TMEM116: variants seen among roughly 807,000 people sequenced by gnomAD.
TMEM116 encodes transmembrane protein 116.
A neutral mutation model predicts 44.3 loss-of-function variants in TMEM116; 38 were observed. The ratio of observed to expected loss-of-function variants is 0.86; its 90% CI spans 0.66 to 1.12. The LOEUF (loss-of-function observed/expected upper bound fraction) is 1.12. Ranked by LOEUF, TMEM116 falls within the 50% of genes most tolerant of loss-of-function variation. The pLI is 0.00. For synonymous variants in TMEM116, 132 were observed against 144.8 expected, an observed-to-expected ratio of 0.91 and a Z score of 0.64; for missense variants, 354 against 401.7, an observed-to-expected ratio of 0.88 and a Z score of 1.01.
chr12:111,962,264 C>G (rs187453803), intron 4 of TMEM116, among the ~76,000 whole-genome samples: 150 of 152,126 alleles, frequency 9.9e-4, no homozygotes, highest in African/African-American at 3.4e-3. Context: ...AGATTCAATG[C>G]TATCCCCATC....
intron 4 of TMEM116, among the ~76,000 whole-genome samples, chr12:111,991,171 A>G (rs1372327591): frequency 7.2e-6 from 1 of 138,894 alleles, no homozygotes; most frequent in Non-Finnish European, 1.5e-5. Context: ...GTGAGCCAAG[A>G]TCGCGCCACT....
In TMEM116 at chr12:111,951,823, A is replaced by T. The variant is rs1448203658; in HGVS notation, c.211-8454T>A. On this transcript the variant is annotated intron_variant, in intron 4 of 10. Transcript: ENST00000552374. The stretch of plus-strand genomic sequence containing the variant: ...TACCCCTGAACTTAAAATAAGAGTT[A>T]AAAAAAAAGGAAAAAAAAATCATTT... Among the ~76,000 whole-genome samples, 5 of 151,166 alleles carry T rather than the reference A, an allele frequency of 3.3e-5. No homozygotes were observed. The East Asian group carries it at 5.8e-4, about 18-fold the overall frequency.
intron 4 of TMEM116, among the ~76,000 whole-genome samples, chr12:111,953,457 C>T (rs186496579): frequency 2.0e-5 from 3 of 152,296 alleles, no homozygotes; most frequent in African/African-American, 7.2e-5. Context: ...CGGGTCAAAT[C>T]CCTGACAAAT....
At chr12:111,940,557 A>ATGTG (rs2072717470) in intron 5 of TMEM116, among the ~76,000 whole-genome samples, 2 of 125,918 alleles carry the variant, frequency 1.6e-5, no homozygotes, top group African/African-American at 6.5e-5. Context: ...ACACACACAT[A>ATGTG]TATATGTGTG....
intron 4 of TMEM116, among the ~76,000 whole-genome samples, chr12:111,982,125 G>A (rs1444850736): frequency 6.6e-6 from 1 of 152,004 alleles, no homozygotes; most frequent in African/African-American, 2.4e-5. Context: ...TGTACAACAT[G>A]GTGACTACAG....
At chr12:111,957,607 C>T (rs1337506371) in intron 4 of TMEM116, among the ~76,000 whole-genome samples, 3 of 151,374 alleles carry the variant, frequency 2.0e-5, no homozygotes, top group African/African-American at 7.3e-5. Context: ...CCAGCCGCCC[C>T]GTCCGGGAGG....
intron 5 of TMEM116, 42 bp from the exon 6 acceptor site, chr12:111,938,252 C>A: frequency 1.4e-6 from 2 of 1,382,796 alleles, no homozygotes; most frequent in South Asian, 2.7e-5. Context: ...AAGACATTGT[C>A]AATCATATAA....
chr12:111,944,996 G>T (rs752430436), intron 4 of TMEM116, among the ~76,000 whole-genome samples: 2 of 149,210 alleles, frequency 1.3e-5, no homozygotes, highest in African/African-American at 2.5e-5. Context: ...AATCACTTGA[G>T]CCCTGGAGAT....
chr12:111,932,414 C>T (rs2071729413), intron 10 of TMEM116, among the ~76,000 whole-genome samples, 172 bp downstream of exon 10: 1 of 152,162 alleles, frequency 6.6e-6, no homozygotes, highest in Non-Finnish European at 1.5e-5. Context: ...TTATCTACCT[C>T]GACTTTGAGA....
At chr12:111,958,830 A>G (rs1258449360) in intron 4 of TMEM116, among the ~76,000 whole-genome samples, 1 of 152,196 alleles carries the variant, frequency 6.6e-6, no homozygotes, top group Non-Finnish European at 1.5e-5. Context: ...CAAAGCCTCC[A>G]AGAAATATGG....
At chr12:111,939,948 C>T (rs542149949) in intron 5 of TMEM116, among the ~76,000 whole-genome samples, 1 of 134,568 alleles carries the variant, frequency 7.4e-6, no homozygotes, top group Non-Finnish European at 1.6e-5. Context: ...GGAGCTACTA[C>T]AACAGCAGAC....
In TMEM116 at chr12:111,936,697, T is replaced by TTA; in HGVS notation, c.582_583insTA (p.Ile195Ter). The TTA allele has an allele frequency of 6.2e-7, 1 of 1,613,778 alleles. No individual in the cohort carries two copies. The highest frequency in any genetic ancestry group is 1.7e-5 in the Admixed American group (1 of 59,936). ...AAGGTAGGGTGGTACCATACCATAA[T>TTA]GGTAAGGAGGCTGAGTACAAAGCTG... On this transcript the variant is annotated frameshift_variant, in exon 8 of 11. Transcript: ENST00000552374. LOFTEE classifies it high-confidence loss of function.
At chr12:111,957,694 G>T (rs894289853) in intron 4 of TMEM116, among the ~76,000 whole-genome samples, 15 of 151,916 alleles carry the variant, frequency 9.9e-5, no homozygotes, top group African/African-American at 3.6e-4. Flanking sequence ...CGTCTGGGAG[G>T]TGGGGGGGCC....
At chr12:112,009,116 G>A (rs922313411) in intron 1 of TMEM116, among the ~76,000 whole-genome samples, 2 of 152,100 alleles carry the variant, frequency 1.3e-5, no homozygotes, top group African/African-American at 4.8e-5. Context: ...TAGAATTCAC[G>A]GTGTAATGAT....
At chr12:111,953,549 T>C (rs754027544) in intron 4 of TMEM116, among the ~76,000 whole-genome samples, 9 of 151,988 alleles carry the variant, frequency 5.9e-5, no homozygotes, top group Non-Finnish European at 8.8e-5. Flanking sequence ...CCTGCAAAAA[T>C]CACAACATTG....
At position 111,931,570 on chromosome 12, in the gene TMEM116, A is replaced by G; in HGVS notation, c.*51T>C. On this transcript the variant is annotated 3_prime_UTR_variant, in exon 11 of 11. Coordinates refer to ENST00000552374, the MANE Select transcript of TMEM116 (RefSeq NM_001193531.2). ...ATGTCCTTTCCCAACATTCTTTCCA[A>G]TCCATTAGCGTAGAATAACTCCAGT... 1 of 1,546,826 alleles carries G rather than the reference A, an allele frequency of 6.5e-7. No homozygotes were observed. The highest frequency in any genetic ancestry group is 8.9e-7 in the Non-Finnish European group (1 of 1,120,430).
intron 4 of TMEM116, among the ~76,000 whole-genome samples, chr12:111,951,708 T>C (rs948718735): frequency 2.6e-5 from 4 of 151,896 alleles, no homozygotes; most frequent in African/African-American, 7.3e-5. Flanking sequence ...AAATAACTAA[T>C]GGGTACTAGG....
In TMEM116 at chr12:111,957,361, TG is replaced by T. The variant is rs2074204148; in HGVS notation, c.211-13993del. Among the ~76,000 whole-genome samples the T allele has an allele frequency of 5.7e-5, 8 of 140,426 alleles. No individual in the cohort carries two copies. The South Asian group carries it at 1.9e-3, about 34-fold the overall frequency. The allele number at this position is 140,426 out of a possible 152,430, so 92.1% of individuals were successfully genotyped here. A position where few individuals can be genotyped will look rare whatever the true frequency, so the allele number is the denominator to read the frequency against. Reference sequence around the variant, plus strand: ...GAGGAGCATCTCTGACTGGCCGCCCTGTCTGAGAAGTGAGGAGCCCCTCCGC... The same window carrying T: ...GAGGAGCATCTCTGACTGGCCGCCCTTCTGAGAAGTGAGGAGCCCCTCCGC... On this transcript the variant is annotated intron_variant, in intron 4 of 10. Coordinates refer to ENST00000552374, the MANE Select transcript of TMEM116 (RefSeq NM_001193531.2).
At chr12:112,000,968 G>A (rs1259513725) in intron 3 of TMEM116, 3 of 342,612 alleles carry the variant, frequency 8.8e-6, no homozygotes, top group Non-Finnish European at 1.7e-5. Flanking sequence ...GCAGCAGTCA[G>A]TACAAGGTAA....
Sources: gnomAD v4.1 joint callset for allele counts (sites outside exome capture counted in the v4.1 genomes callset) on GRCh38, gnomAD v4.1.1 for gene constraint, MANE v1.5 for transcripts, NCBI Gene and HGNC (gene_info 2026-07-23, HGNC 2026-07-21) for gene names.